Variants in DST observed in about 807,000 individuals in gnomAD.
DST encodes the protein bullous pemphigoid antigen.
DST carries 253 observed loss-of-function variants against 875.2 expected under a neutral mutation model. That is an observed-to-expected ratio of 0.29 (90% confidence interval 0.26 to 0.32). The LOEUF (loss-of-function observed/expected upper bound fraction) is 0.32. Ranked by LOEUF, DST falls within the 10% of genes least tolerant of loss-of-function variation. DST has a pLI of 1.00. For synonymous variants in DST, 3,124 were observed against 3,197.1 expected (o/e 0.98, Z 0.77); for missense variants, 8,287 against 9,111.6 (o/e 0.91, Z 3.68).
chr6:56,482,565 C>G, intron 89 of DST, 118 bp downstream of exon 89: 2 of 1,000,816 alleles, frequency 2.0e-6, no homozygotes, highest in Non-Finnish European at 2.9e-6. Context: ...TTAGAATTTC[C>G]TTCTTCAGAC....
chr6:56,510,879 CT>C lies in DST; in HGVS notation c.18780+317del, dbSNP rs146999719. On this transcript the variant is annotated intron_variant, in intron 73 of 103. Transcript: ENST00000680361. The stretch of plus-strand genomic sequence containing the variant: ...CTTTATTAATAATTATAACACTTTC[CT>C]TTATCTCCCCCAATGGCAAATATTA... Among the ~76,000 whole-genome samples the C allele has an allele frequency of 9.5e-3, 1,450 of 152,180 alleles. 25 individuals carry two copies. The highest frequency in any genetic ancestry group is 0.032 in the African/African-American group (1,345 of 41,488).
chr6:56,620,899 C>CA (rs373903018), intron 36 of DST, among the ~76,000 whole-genome samples: 3 of 152,186 alleles, frequency 2.0e-5, no homozygotes, highest in South Asian at 4.2e-4. Flanking sequence ...CAGAAGAGGA[C>CA]AAAAAACCCT....
At position 56,569,966 on chromosome 6, in the gene DST, C is replaced by G; in HGVS notation, c.13768G>C (p.Val4590Leu). 6.2e-7 allele frequency: 1 copy of G among 1,608,326 alleles called. No homozygotes were observed. The highest frequency in any genetic ancestry group is 8.5e-7 in the Non-Finnish European group (1 of 1,178,270). The change falls in exon 54 of 104, where the codon GTT becomes CTT. Residue 4590 changes from valine to leucine, a missense_variant. Val to Leu is a conservative substitution (Grantham distance 32). Coordinates refer to ENST00000680361, the MANE Select transcript of DST (RefSeq NM_001374736.1). The stretch of plus-strand genomic sequence containing the variant: ...CATGACTTCAATGATTTAACAAGAA[C>G]TTGGAAAGCATCCAACTGTTCTTGA... ...SCQEQLDAFQ[V>L]LVKSLKSWIK...
intron 4 of DST, among the ~76,000 whole-genome samples, chr6:56,775,646 T>C (rs749260973): frequency 6.6e-6 from 1 of 152,074 alleles, no homozygotes; most frequent in Non-Finnish European, 1.5e-5. Flanking sequence ...CACCTTGGAA[T>C]GTCAGAAAAG....
chr6:56,634,864 A>G lies in DST; in HGVS notation c.3276T>C (p.Asn1092=). 6.2e-7 allele frequency: 1 copy of G among 1,614,050 alleles called. No individual in the cohort carries two copies. Among genetic ancestry groups the G allele is most frequent in the Non-Finnish European group, 8.5e-7 (1 of 1,180,004 alleles). The change falls in exon 25 of 104, where the codon AAT becomes AAC. Residue 1092 remains asparagine (N), a synonymous_variant. Coordinates refer to ENST00000680361, the MANE Select transcript of DST (RefSeq NM_001374736.1). The part of the protein sequence containing the change: ...AKTIIQLKPR[N]SDCPLKTSIP... ...TAGAAGTTTTGAGTGGACAGTCAGA[A>G]TTCCTTGGCTTCAGTTGAATTATTG... is the stretch of plus-strand genomic sequence containing the variant.
intron 4 of DST, among the ~76,000 whole-genome samples, chr6:56,834,775 C>A (rs2153065389): frequency 6.6e-6 from 1 of 152,290 alleles, no homozygotes; most frequent in South Asian, 2.1e-4. Context: ...AAAAACAGTA[C>A]ACCCACTTTG....
chr6:56,524,934 C>T (rs1032697650), intron 69 of DST, among the ~76,000 whole-genome samples: 1 of 147,286 alleles, frequency 6.8e-6, no homozygotes, highest in Non-Finnish European at 1.5e-5. Context: ...AAAAAAAAAT[C>T]ATTATTTTCC....
At chr6:56,637,753 G>A (rs896358221) in intron 22 of DST, among the ~76,000 whole-genome samples, 2 of 151,860 alleles carry the variant, frequency 1.3e-5, no homozygotes, top group Non-Finnish European at 2.9e-5. Context: ...GCAATTCATT[G>A]ATTTCCAGAA....
At chr6:56,870,159 A>G (rs1776322974) in intron 3 of DST, among the ~76,000 whole-genome samples, 1 of 152,144 alleles carries the variant, frequency 6.6e-6, no homozygotes, top group African/African-American at 2.4e-5. Flanking sequence ...CCCTAAGCCT[A>G]GCTGGGAAGG....
Position 56,607,167 on chromosome 6 carries a change from T to C in DST, c.7461A>G (p.Gln2487=), listed in dbSNP as rs2098505752. Residue 2487 remains glutamine, a synonymous_variant, in exon 40 of 104, where the codon CAA becomes CAG. Transcript: ENST00000680361. ...TAGCTGCAATTCCCAGAAACTGGTC[T>C]TGAAATTTTTCTCCTATTCTTTGAC... is the stretch of plus-strand genomic sequence containing the variant. ...LSGQRIGEKF[Q]DQFLGIAAIN... 1 of 1,613,342 alleles carries C rather than the reference T, an allele frequency of 6.2e-7. No individual in the cohort carries two copies. The highest frequency in any genetic ancestry group is 8.5e-7 in the Non-Finnish European group (1 of 1,179,628).
intron 79 of DST, 118 bp downstream of exon 79, chr6:56,501,401 TG>T: frequency 8.8e-7 from 1 of 1,136,590 alleles, no homozygotes; most frequent in Non-Finnish European, 1.2e-6. Flanking sequence ...ACGCTCCTCA[TG>T]GTTAAAATAG....
intron 36 of DST, chr6:56,615,234 A>G (rs1036113625): frequency 7.4e-5 from 89 of 1,207,678 alleles, no homozygotes; most frequent in Non-Finnish European, 8.9e-5. Context: ...GAGTTCATCA[A>G]GTTTATCCCA....
At chr6:56,487,390 A>G in intron 86 of DST, 117 bp from the exon 87 acceptor site, 2 of 927,132 alleles carry the variant, frequency 2.2e-6, no homozygotes, top group Non-Finnish European at 1.5e-6. Flanking sequence ...TTTCTGACTT[A>G]TAATGACTTG....
At chr6:56,652,932 G>T (rs1444747182) in intron 10 of DST, among the ~76,000 whole-genome samples, 1 of 152,148 alleles carries the variant, frequency 6.6e-6, no homozygotes, top group African/African-American at 2.4e-5. Context: ...CCAACCTCAA[G>T]ATTAGTAAAC....
rs774811873 is a variant in DST at position 56,536,895 on chromosome 6, C to G, written c.16654G>C (p.Asp5552His). ...EIEPLQGKQQ[D>H]VNWLGQGLIQ... ...AGGCCTTGACCTAACCAGTTTACATCTTGCTGTTTACCTTGCAAGGGTTCA... is the reference window on the plus strand; with the variant it reads ...AGGCCTTGACCTAACCAGTTTACATGTTGCTGTTTACCTTGCAAGGGTTCA... The change falls in exon 62 of 104, where the codon GAT (aspartate) becomes CAT (histidine). Residue 5552 changes from aspartate (D) to histidine (H), a missense_variant. This residue lies in a region of DST where 777 missense variants were observed against 764.8 expected (regional missense o/e 1.02). Transcript: ENST00000680361. 1 of 1,613,936 alleles carries G rather than the reference C, an allele frequency of 6.2e-7. No individual in the cohort carries two copies. Among genetic ancestry groups the G allele is most frequent in the East Asian group, 2.2e-5 (1 of 44,878 alleles).
At chr6:56,624,689 G>T in intron 35 of DST, 61 bp from the exon 36 acceptor site, 1 of 1,085,948 alleles carries the variant, frequency 9.2e-7, no homozygotes, top group South Asian at 1.3e-5. Flanking sequence ...TAAGTTGAAT[G>T]AATTTTGAAT....
chr6:56,934,120 G>A (rs1263746151), intron 2 of DST, among the ~76,000 whole-genome samples: 1 of 152,030 alleles, frequency 6.6e-6, no homozygotes, highest in Non-Finnish European at 1.5e-5. Flanking sequence ...TCCCATCTCA[G>A]CCTCCTAAGT....
chr6:56,462,456 T>C (rs762919859), intron 102 of DST, among the ~76,000 whole-genome samples: 32 of 152,192 alleles, frequency 2.1e-4, no homozygotes, highest in Admixed American at 5.9e-4. Context: ...AAATGACAAA[T>C]AACTTTCTGC....
At chr6:56,656,417 C>G (rs1054488208) in intron 10 of DST, among the ~76,000 whole-genome samples, 1 of 152,128 alleles carries the variant, frequency 6.6e-6, no homozygotes, top group African/African-American at 2.4e-5. Flanking sequence ...AATTGGGATA[C>G]CTTATAAAGT....
Sources: gnomAD v4.1 joint callset for allele counts (sites outside exome capture counted in the v4.1 genomes callset) on GRCh38, gnomAD v4.1.1 for gene constraint, gnomAD v4.1.1 regional missense constraint, MANE v1.5 for transcripts, NCBI Gene and HGNC (gene_info 2026-07-23, HGNC 2026-07-21) for gene names.